The following TTLL5 variants were observed in gnomAD, a reference collection of about 807,000 sequenced individuals.
The protein encoded by TTLL5 is tubulin tyrosine ligase like 5, also known as tubulin polyglutamylase TTLL5.
Under a neutral mutation model 168.4 loss-of-function variants are expected in TTLL5, and 132 were observed. That is an observed-to-expected ratio of 0.78 (90% CI 0.68 to 0.91). TTLL5 has a LOEUF of 0.91. Among genes scored for constraint, TTLL5 ranks in the 40% least tolerant of loss-of-function variants. The pLI is 0.00. For missense variants in TTLL5, 1,545 were observed against 1,581.5 expected (o/e 0.98, Z 0.39); for synonymous variants, 546 against 558.6 (o/e 0.98, Z 0.32).
At chr14:75,791,122 A>AAAAAAAAAAAAAAAAAAAAAAAAC (rs1892689718) in intron 26 of TTLL5, among the ~76,000 whole-genome samples, 1 of 150,888 alleles carries the variant, frequency 6.6e-6, no homozygotes, top group African/African-American at 2.4e-5. Context: ...AAAAAAAAAA[A>AAAAAAAAAAAAAAAAAAAAAAAAC]AATACCACTT....
intron 18 of TTLL5, among the ~76,000 whole-genome samples, chr14:75,757,212 A>C (rs1349720478): frequency 6.6e-6 from 1 of 152,166 alleles, no homozygotes; most frequent in Non-Finnish European, 1.5e-5. Flanking sequence ...TCCTGAGCTC[A>C]GGCAATCCCC....
intron 27 of TTLL5, among the ~76,000 whole-genome samples, chr14:75,806,270 A>T (rs1344638751): frequency 3.3e-5 from 5 of 151,956 alleles, no homozygotes; most frequent in Admixed American, 3.3e-4. Context: ...ACCTCAAGTG[A>T]TCTGTCCGCT....
intron 27 of TTLL5, chr14:75,814,389 T>A (rs1894255273): frequency 6.6e-6 from 1 of 152,238 alleles, no homozygotes; most frequent in Non-Finnish European, 1.5e-5. Context: ...GCTGGTTTTG[T>A]TATGTTATTT....
chr14:75,778,148 A>G (rs1451958354), intron 23 of TTLL5, among the ~76,000 whole-genome samples: 1 of 152,232 alleles, frequency 6.6e-6, no homozygotes, highest in African/African-American at 2.4e-5. Context: ...TGGACACTAA[A>G]AATGAATTAT....
intron 12 of TTLL5, among the ~76,000 whole-genome samples, chr14:75,725,665 T>C (rs771666580): frequency 6.6e-5 from 10 of 152,186 alleles, no homozygotes; most frequent in Non-Finnish European, 1.2e-4. Flanking sequence ...CCGGCCACTT[T>C]TGGCATGCCC....
chr14:75,774,177 T>C (rs962368337), intron 21 of TTLL5, among the ~76,000 whole-genome samples: 1 of 152,198 alleles, frequency 6.6e-6, no homozygotes, highest in Middle Eastern at 3.4e-3. Context: ...GGCAGTTTTA[T>C]TGTGGTTTTT....
Position 75,691,287 on chromosome 14 carries a change from C to T in TTLL5, c.502+965C>T, listed in dbSNP as rs938053731. Among the ~76,000 whole-genome samples the T allele has an allele frequency of 2.6e-5, 4 of 152,114 alleles. No individual in the cohort carries two copies. In the South Asian group the frequency reaches 8.3e-4, roughly 31 times the overall value. On this transcript the variant is annotated intron_variant, in intron 6 of 31. Coordinates refer to ENST00000298832, the MANE Select transcript of TTLL5 (RefSeq NM_015072.5). ...CTTACCCACCCAGGCCAGGCAGAGG[C>T]GCTGGGCTGGTTTCAGGCTTTCCTC...
At chr14:75,837,882 T>C (rs1301602872) in intron 28 of TTLL5, among the ~76,000 whole-genome samples, 1 of 151,978 alleles carries the variant, frequency 6.6e-6, no homozygotes, top group Non-Finnish European at 1.5e-5. Flanking sequence ...TATATATGTA[T>C]ACACACCCAT....
intron 9 of TTLL5, among the ~76,000 whole-genome samples, chr14:75,715,648 A>T (rs1463382212): frequency 6.6e-6 from 1 of 151,982 alleles, no homozygotes; most frequent in Non-Finnish European, 1.5e-5. Flanking sequence ...CTTCAGGGGA[A>T]CTTTTCCTTT....
chr14:75,780,528 C>G (rs1891987319), intron 24 of TTLL5, among the ~76,000 whole-genome samples: 1 of 152,112 alleles, frequency 6.6e-6, no homozygotes, highest in African/African-American at 2.4e-5. Context: ...GTAAAATTAA[C>G]TTAAAACCTA....
At chr14:75,942,192 A>G (rs2034630174) in intron 31 of TTLL5, among the ~76,000 whole-genome samples, 1 of 152,132 alleles carries the variant, frequency 6.6e-6, no homozygotes, top group African/African-American at 2.4e-5. Flanking sequence ...CAAAAAAAAA[A>G]AAAAAATGTG....
chr14:75,881,054 C>T (rs538594535), intron 29 of TTLL5, among the ~76,000 whole-genome samples: 1 of 152,296 alleles, frequency 6.6e-6, no homozygotes, highest in African/African-American at 2.4e-5. Context: ...GCTGGGACTA[C>T]AGGCAGGCAC....
intron 31 of TTLL5, chr14:75,941,542 T>G (rs1004569460): frequency 6.6e-6 from 1 of 152,234 alleles, no homozygotes; most frequent in African/African-American, 2.4e-5. Flanking sequence ...GTTTTTAATT[T>G]TATTTTTCTT....
chr14:75,725,704 C>T (rs887958563), intron 12 of TTLL5, among the ~76,000 whole-genome samples: 13 of 152,100 alleles, frequency 8.5e-5, no homozygotes, highest in African/African-American at 2.4e-4. Flanking sequence ...TCTGCTCTCC[C>T]GTAACTAGAT....
chr14:75,799,970 T>A (rs1893194892), intron 27 of TTLL5, among the ~76,000 whole-genome samples: 1 of 152,266 alleles, frequency 6.6e-6, no homozygotes. Flanking sequence ...GCGATGAATT[T>A]CCCAGGTGTT....
intron 28 of TTLL5, among the ~76,000 whole-genome samples, chr14:75,826,890 G>A (rs1408465832): frequency 3.9e-5 from 6 of 152,024 alleles, no homozygotes; most frequent in African/African-American, 1.5e-4. Context: ...AAATTTAGAA[G>A]GAAAACCAGC....
rs143514716 is a variant in TTLL5, at chr14:75,820,394, A to G, written c.3326+233A>G. Among the ~76,000 whole-genome samples, 1,503 of 152,356 alleles carry G rather than the reference A, an allele frequency of 9.9e-3. 11 individuals carry two copies. The highest frequency in any genetic ancestry group is 0.017 in the Non-Finnish European group (1,146 of 68,020). ...CTGAGATAGTTAAGAAAATCACCTT[A>G]GGGTAAAAGAGCAAGAATTTACACT... On this transcript the variant is annotated intron_variant, in intron 28 of 31. Coordinates refer to ENST00000298832, the MANE Select transcript of TTLL5 (RefSeq NM_015072.5).
Position 75,882,739 on chromosome 14 carries a change from G to T in TTLL5, c.3577G>T (p.Gly1193Cys). The change falls in exon 30 of 32, where the codon GGT (glycine) becomes TGT (cysteine). Residue 1193 changes from glycine (G) to cysteine (C), a missense_variant. Gly to Cys is a radical substitution (Grantham distance 159). Transcript: ENST00000298832. Reference sequence around the variant, plus strand: ...CTCCAATTTATGGACAATGAATAATGGTGCAGGTTGTAGAATTTCCAGTGC... The same window carrying T: ...CTCCAATTTATGGACAATGAATAATTGTGCAGGTTGTAGAATTTCCAGTGC... The part of the protein sequence containing the change: ...PNSNLWTMNN[G>C]AGCRISSATA... 1 of 1,613,812 alleles carries T rather than the reference G, an allele frequency of 6.2e-7. No individual in the cohort carries two copies.
At chr14:75,661,500 C>T (rs968149554) in intron 1 of TTLL5, 113 bp downstream of exon 1, 1 of 152,322 alleles carries the variant, frequency 6.6e-6, no homozygotes, top group Non-Finnish European at 1.5e-5. Flanking sequence ...TGTTGGCTTC[C>T]GGGCGCGCCG....
Sources: gnomAD v4.1 joint callset for allele counts (sites outside exome capture counted in the v4.1 genomes callset) on GRCh38, gnomAD v4.1.1 for gene constraint, MANE v1.5 for transcripts, NCBI Gene and HGNC (gene_info 2026-07-23, HGNC 2026-07-21) for gene names.